Variants in SPATA6L observed in about 807,000 individuals in gnomAD.
The protein encoded by SPATA6L is spermatogenesis associated 6 like.
SPATA6L carries 68 observed loss-of-function variants against 49.2 expected under a neutral mutation model. That is an observed-to-expected ratio of 1.38 (90% CI 1.14 to 1.69). SPATA6L has a LOEUF of 1.69. Among genes scored for constraint, SPATA6L ranks in the 40% most tolerant of loss-of-function variants. The pLI is 0.00. For missense variants in SPATA6L, 668 were observed against 464.3 expected (o/e 1.44, Z -4.03); for synonymous variants, 198 against 165.7 (o/e 1.19, Z -1.50).
chr9:4,624,195 G>A (rs182382082), intron 6 of SPATA6L, among the ~76,000 whole-genome samples: 66 of 152,240 alleles, frequency 4.3e-4, no homozygotes, highest in African/African-American at 1.5e-3. Context: ...TGGTGTTCAC[G>A]TAGACTACAA....
chr9:4,612,617 A>T (rs556878774), intron 9 of SPATA6L, among the ~76,000 whole-genome samples: 46 of 152,264 alleles, frequency 3.0e-4, no homozygotes, highest in African/African-American at 1.1e-3. Context: ...TACCATTTGC[A>T]CCACTGGACA....
chr9:4,631,867 G>A (rs972741754), intron 4 of SPATA6L, among the ~76,000 whole-genome samples: 1 of 152,038 alleles, frequency 6.6e-6, no homozygotes, highest in Non-Finnish European at 1.5e-5. Context: ...CCAGTTCTGT[G>A]ACCCTGAGGG....
chr9:4,602,513 C>G (rs751899847), intron 11 of SPATA6L, among the ~76,000 whole-genome samples: 6 of 152,208 alleles, frequency 3.9e-5, no homozygotes, highest in Non-Finnish European at 8.8e-5. Flanking sequence ...ACCCTCAAAA[C>G]AGACTTTCAG....
chr9:4,657,842 G>C (rs1455953421), intron 2 of SPATA6L, among the ~76,000 whole-genome samples: 1 of 152,148 alleles, frequency 6.6e-6, no homozygotes, highest in Non-Finnish European at 1.5e-5. Flanking sequence ...GAGGTTCATT[G>C]GTGGCATCTG....
At chr9:4,606,116 T>C (rs301454) in intron 9 of SPATA6L, among the ~76,000 whole-genome samples, 152,143 of 152,152 alleles carry the variant, frequency 1, 76,067 homozygotes, top group Middle Eastern at 1. Context: ...GCTTAAAAAA[T>C]GGCGCACCAC....
intron 2 of SPATA6L, among the ~76,000 whole-genome samples, chr9:4,658,149 T>C (rs1156800797): frequency 6.6e-6 from 1 of 152,218 alleles, no homozygotes; most frequent in African/African-American, 2.4e-5. Flanking sequence ...AGTGAGATGA[T>C]ATGTTTCTGT....
At chr9:4,607,171 G>T (rs546710123) in intron 9 of SPATA6L, among the ~76,000 whole-genome samples, 7 of 152,102 alleles carry the variant, frequency 4.6e-5, no homozygotes, top group East Asian at 1.9e-4. Flanking sequence ...CGTCTGATTG[G>T]TATACCTGAA....
intron 2 of SPATA6L, among the ~76,000 whole-genome samples, chr9:4,658,454 GA>G (rs1838815766): frequency 1.3e-5 from 2 of 152,158 alleles, no homozygotes; most frequent in South Asian, 4.1e-4. Flanking sequence ...AGGAAGAAAG[GA>G]ATATGAACCC....
downstream of SPATA6L, among the ~76,000 whole-genome samples, chr9:4,597,903 T>C (rs774758148): frequency 6.6e-6 from 1 of 152,190 alleles, no homozygotes; most frequent in African/African-American, 2.4e-5. Flanking sequence ...GCGGGCTCCT[T>C]TGATGGACCA....
Position 4,605,527 on chromosome 9 carries a change from AACTT to A in SPATA6L, c.996-91_996-88del, listed in dbSNP as rs761918040. ...CATGACGGTATGGATTGATATTTAA[AACTT>A]AATTATAATAAAAAACAGCAGCATG... On this transcript the variant is annotated intron_variant, in intron 9 of 11. Coordinates refer to ENST00000682582, the MANE Select transcript of SPATA6L (RefSeq NM_001353486.2). 5 of 864,476 alleles carry A rather than the reference AACTT, an allele frequency of 5.8e-6. No individual in the cohort carries two copies. The Admixed American group carries it at 9.3e-5, about 16-fold the overall frequency. 53.6% of individuals were successfully genotyped at this position (864,476 alleles called of 1,614,324 possible).
intron 4 of SPATA6L, among the ~76,000 whole-genome samples, chr9:4,629,462 T>C (rs557063285): frequency 7.2e-5 from 11 of 152,004 alleles, no homozygotes; most frequent in Non-Finnish European, 1.0e-4. Flanking sequence ...AAGTAACATG[T>C]CCATCTAGTA....
At chr9:4,652,919 A>G (rs1837262934) in intron 3 of SPATA6L, among the ~76,000 whole-genome samples, 1 of 152,180 alleles carries the variant, frequency 6.6e-6, no homozygotes, top group Admixed American at 6.6e-5. Context: ...TCATGTTTCA[A>G]AAATATTGTT....
intron 3 of SPATA6L, among the ~76,000 whole-genome samples, chr9:4,648,400 G>A (rs551777232): frequency 2.6e-5 from 4 of 152,178 alleles, no homozygotes; most frequent in African/African-American, 9.6e-5. Flanking sequence ...AATAGATGGT[G>A]TTTGATTATA....
At chr9:4,656,320 T>A (rs186748848) in intron 2 of SPATA6L, among the ~76,000 whole-genome samples, 1 of 152,164 alleles carries the variant, frequency 6.6e-6, no homozygotes, top group East Asian at 1.9e-4. Context: ...ATGCCTGTAT[T>A]CCCAGCTACT....
chr9:4,640,362 T>G (rs1001492073), intron 3 of SPATA6L, among the ~76,000 whole-genome samples: 1 of 152,224 alleles, frequency 6.6e-6, no homozygotes, highest in African/African-American at 2.4e-5. Context: ...TATTATTACT[T>G]GTATTATTAA....
rs1490276717 is a variant in SPATA6L at position 4,600,011 on chromosome 9, A to G, written c.*800T>C. ...TCCTGCTCCCTCACACTGTGTAAGCATTTCATAGATGCACCTTCCTAACTA... is the reference window on the plus strand; with the variant it reads ...TCCTGCTCCCTCACACTGTGTAAGCGTTTCATAGATGCACCTTCCTAACTA... On this transcript the variant is annotated 3_prime_UTR_variant, in exon 12 of 12. Transcript: ENST00000682582. Among the ~76,000 whole-genome samples, 1 of 152,156 alleles carries G rather than the reference A, an allele frequency of 6.6e-6. No homozygotes were observed. The highest frequency in any genetic ancestry group is 6.5e-5 in the Admixed American group (1 of 15,274).
At chr9:4,642,049 C>T (rs924396982) in intron 3 of SPATA6L, among the ~76,000 whole-genome samples, 4 of 152,166 alleles carry the variant, frequency 2.6e-5, no homozygotes, top group Non-Finnish European at 4.4e-5. Context: ...ATTACAGGCG[C>T]AAGCCACCAT....
At chr9:4,630,068 G>A (rs1831212574) in intron 4 of SPATA6L, among the ~76,000 whole-genome samples, 1 of 152,054 alleles carries the variant, frequency 6.6e-6, no homozygotes, top group East Asian at 1.9e-4. Flanking sequence ...GTTACAGACT[G>A]TATGATTCCA....
chr9:4,665,095 T>C (rs1587593483), intron 1 of SPATA6L: 2 of 167,156 alleles, frequency 1.2e-5, no homozygotes, highest in East Asian at 3.8e-4. Flanking sequence ...TTCTCTGTTT[T>C]AGTTGCTGAG....
Sources: allele counts gnomAD v4.1 joint callset (sites outside exome capture counted in the v4.1 genomes callset), GRCh38; gene constraint gnomAD v4.1.1; transcripts MANE v1.5; gene names NCBI Gene and HGNC (gene_info 2026-07-23, HGNC 2026-07-21).